The following EDIL3 variants were observed in gnomAD, a reference collection of about 807,000 sequenced individuals.
EDIL3 encodes the protein EGF-like repeat and discoidin I-like domain-containing protein 3.
A neutral mutation model predicts 67.4 loss-of-function variants in EDIL3; 37 were observed. The observed-to-expected ratio is 0.55, with a 90% CI of 0.42 to 0.72. EDIL3 has a LOEUF of 0.72. Among genes scored for constraint, EDIL3 ranks in the 30% least tolerant of loss-of-function variants. The pLI, the probability that EDIL3 is intolerant of heterozygous loss-of-function variation, is 0.00. For synonymous variants in EDIL3, 195 were observed against 196.3 expected (o/e 0.99, Z 0.05); for missense variants, 527 against 586.3 (o/e 0.90, Z 1.04).
At chr5:84,217,190 G>A (rs1322555511) in intron 3 of EDIL3, among the ~76,000 whole-genome samples, 1 of 149,966 alleles carries the variant, frequency 6.7e-6, no homozygotes, top group Non-Finnish European at 1.5e-5. Context: ...TCTTAAAGAT[G>A]AATCCAGCTA....
At chr5:84,141,932 T>TATATATATAC (rs1748201392) in intron 4 of EDIL3, among the ~76,000 whole-genome samples, 1 of 97,258 alleles carries the variant, frequency 1.0e-5, no homozygotes, top group African/African-American at 3.7e-5. Context: ...TACACATATA[T>TATATATATAC]ATATATATAT....
chr5:84,140,243 T>G (rs1204502270), intron 4 of EDIL3, among the ~76,000 whole-genome samples: 1 of 152,186 alleles, frequency 6.6e-6, no homozygotes, highest in Non-Finnish European at 1.5e-5. Flanking sequence ...GCTCTATATA[T>G]TTTCTCATTT....
intron 4 of EDIL3, among the ~76,000 whole-genome samples, chr5:84,142,648 T>TA (rs1200299750): frequency 6.6e-6 from 1 of 152,030 alleles, no homozygotes; most frequent in Non-Finnish European, 1.5e-5. Flanking sequence ...TGGGGATAGA[T>TA]ATCTATCTAA....
At chr5:84,052,238 C>A (rs1179382233) in intron 9 of EDIL3, among the ~76,000 whole-genome samples, 11 of 152,234 alleles carry the variant, frequency 7.2e-5, no homozygotes, top group Admixed American at 2.0e-4. Context: ...GAAATAAAAT[C>A]CTTTACAGAC....
intron 5 of EDIL3, among the ~76,000 whole-genome samples, chr5:84,113,197 G>A (rs139618036): frequency 9.7e-4 from 147 of 152,288 alleles, no homozygotes; most frequent in Non-Finnish European, 1.7e-3. Flanking sequence ...GAATACGGTA[G>A]TAGAATATGG....
At chr5:84,354,738 A>G (rs1483396151) in intron 1 of EDIL3, among the ~76,000 whole-genome samples, 1 of 152,126 alleles carries the variant, frequency 6.6e-6, no homozygotes, top group Non-Finnish European at 1.5e-5. Flanking sequence ...ACAAATATGT[A>G]TAACTGAAAT....
At chr5:84,119,778 T>C (rs968671846) in intron 5 of EDIL3, among the ~76,000 whole-genome samples, 2 of 152,010 alleles carry the variant, frequency 1.3e-5, no homozygotes, top group Non-Finnish European at 2.9e-5. Context: ...GGCAGTTTTG[T>C]TGGAGCAATC....
chr5:84,102,031 G>A (rs549176622), intron 6 of EDIL3, among the ~76,000 whole-genome samples: 10 of 151,922 alleles, frequency 6.6e-5, no homozygotes, highest in Admixed American at 5.9e-4. Context: ...AAATCAATAA[G>A]AGTGAATAAT....
intron 5 of EDIL3, 64 bp from the exon 6 acceptor site, chr5:84,106,894 G>A: frequency 6.8e-7 from 1 of 1,466,178 alleles, no homozygotes; most frequent in Non-Finnish European, 9.1e-7. Flanking sequence ...ACATGTGTCT[G>A]TTCGATTTGA....
intron 9 of EDIL3, among the ~76,000 whole-genome samples, chr5:83,968,844 CATG>C (rs1160638368): frequency 6.6e-6 from 1 of 151,848 alleles, no homozygotes; most frequent in East Asian, 1.9e-4. Context: ...TGGGAGGTAA[CATG>C]ATAATTATGA....
At chr5:84,039,246 T>C (rs1213110502) in intron 9 of EDIL3, among the ~76,000 whole-genome samples, 1 of 152,152 alleles carries the variant, frequency 6.6e-6, no homozygotes, top group African/African-American at 2.4e-5. Flanking sequence ...GCATTCCTGG[T>C]AACTTTAACC....
chr5:84,195,375 A>G (rs1287514234), intron 3 of EDIL3, among the ~76,000 whole-genome samples: 1 of 152,014 alleles, frequency 6.6e-6, no homozygotes, highest in Non-Finnish European at 1.5e-5. Context: ...GGTGTTATCA[A>G]GTGTAAAAGA....
chr5:84,045,152 T>C (rs1746198648), intron 9 of EDIL3, among the ~76,000 whole-genome samples: 1 of 152,098 alleles, frequency 6.6e-6, no homozygotes, highest in Non-Finnish European at 1.5e-5. Context: ...GACTTATTCA[T>C]TACCATGAGA....
chr5:84,188,610 T>A (rs1024573039), intron 3 of EDIL3, among the ~76,000 whole-genome samples: 4 of 151,928 alleles, frequency 2.6e-5, no homozygotes, highest in Non-Finnish European at 5.9e-5. Context: ...GACCTCGGAA[T>A]GTGACTATAT....
chr5:84,263,751 A>C (rs555674022), intron 1 of EDIL3, among the ~76,000 whole-genome samples: 1 of 152,358 alleles, frequency 6.6e-6, no homozygotes, highest in Non-Finnish European at 1.5e-5. Flanking sequence ...AACATCAGAA[A>C]CCTGATGATG....
intron 3 of EDIL3, among the ~76,000 whole-genome samples, chr5:84,208,122 G>A (rs1477365842): frequency 6.6e-6 from 1 of 152,058 alleles, no homozygotes; most frequent in East Asian, 1.9e-4. Context: ...CCTACAAAAT[G>A]GGAGAAAATT....
At chr5:83,973,713 A>C (rs1263826945) in intron 9 of EDIL3, among the ~76,000 whole-genome samples, 6 of 152,066 alleles carry the variant, frequency 3.9e-5, no homozygotes, top group Non-Finnish European at 7.4e-5. Flanking sequence ...GGTGTTTCCA[A>C]ACACAAAACA....
chr5:83,945,668 A>G (rs1230588226), intron 10 of EDIL3, among the ~76,000 whole-genome samples: 1 of 151,970 alleles, frequency 6.6e-6, no homozygotes, highest in Non-Finnish European at 1.5e-5. Flanking sequence ...TTTATAATGA[A>G]GAATACATAC....
intron 2 of EDIL3, among the ~76,000 whole-genome samples, chr5:84,242,064 CAAAAAAAAA>C (rs397702402): frequency 8.2e-6 from 1 of 122,342 alleles, no homozygotes; most frequent in South Asian, 2.7e-4. Flanking sequence ...ACTAAAAGTA[CAAAAAAAAA>C]AAAAAAAAAT....
Sources: gnomAD v4.1 joint callset for allele counts (sites outside exome capture counted in the v4.1 genomes callset) on GRCh38, gnomAD v4.1.1 for gene constraint, MANE v1.5 for transcripts, NCBI Gene and HGNC (gene_info 2026-07-23, HGNC 2026-07-21) for gene names.